Variants in PRKCE observed in about 807,000 individuals in gnomAD.
PRKCE encodes the protein protein kinase C epsilon type.
PRKCE carries 16 observed loss-of-function variants against 85.4 expected under a neutral mutation model. That is an observed-to-expected ratio of 0.19 (90% CI 0.13 to 0.28). The LOEUF (loss-of-function observed/expected upper bound fraction) is 0.28. PRKCE is among the 10% of genes least tolerant of loss of function. The pLI is 1.00. For missense variants in PRKCE, 573 were observed against 975.2 expected, an observed-to-expected ratio of 0.59 and a Z score of 5.49; for synonymous variants, 388 against 371.5, an observed-to-expected ratio of 1.04 and a Z score of -0.51.
At chr2:46,137,854 A>G (rs1675148844) in intron 11 of PRKCE, among the ~76,000 whole-genome samples, 1 of 152,012 alleles carries the variant, frequency 6.6e-6, no homozygotes, top group Non-Finnish European at 1.5e-5. Flanking sequence ...ATATATCTTG[A>G]TACGACATCT....
chr2:45,857,375 T>G (rs923006260), intron 2 of PRKCE, among the ~76,000 whole-genome samples: 2 of 152,230 alleles, frequency 1.3e-5, no homozygotes, highest in Non-Finnish European at 2.9e-5. Context: ...AGTTTGTTCT[T>G]TAAGAGAGTT....
chr2:46,120,588 G>C (rs1289871809), intron 11 of PRKCE, among the ~76,000 whole-genome samples: 2 of 152,162 alleles, frequency 1.3e-5, no homozygotes, highest in Non-Finnish European at 2.9e-5. Context: ...TTTAGGTAGA[G>C]TACAGCCATA....
At chr2:46,047,760 G>A (rs1293281371) in intron 10 of PRKCE, among the ~76,000 whole-genome samples, 1 of 152,158 alleles carries the variant, frequency 6.6e-6, no homozygotes, top group Non-Finnish European at 1.5e-5. Context: ...TAACTCAAAA[G>A]TGAATACTTG....
intron 2 of PRKCE, among the ~76,000 whole-genome samples, chr2:45,952,800 T>G (rs1032808663): frequency 9.9e-5 from 15 of 152,232 alleles, no homozygotes; most frequent in Non-Finnish European, 1.6e-4. Context: ...GAACACTGAA[T>G]GTGCTTTGTT....
At chr2:46,099,614 A>G (rs771311141) in intron 11 of PRKCE, among the ~76,000 whole-genome samples, 2 of 151,534 alleles carry the variant, frequency 1.3e-5, no homozygotes, top group Non-Finnish European at 2.9e-5. Flanking sequence ...CCCTGTTAAC[A>G]TTGCATCTGC....
intron 1 of PRKCE, among the ~76,000 whole-genome samples, chr2:45,817,075 GTGTGTGT>G (rs1228960790): frequency 1.5e-5 from 2 of 136,488 alleles, no homozygotes; most frequent in African/African-American, 5.7e-5. Context: ...GAGTGTGTGT[GTGTGTGT>G]GTGTGTGTGT....
Position 45,954,313 on chromosome 2 carries a change from C to T in PRKCE, c.413-22116C>T, listed in dbSNP as rs577810278. On this transcript the variant is annotated intron_variant, in intron 2 of 14. Transcript: ENST00000306156. The stretch of plus-strand genomic sequence containing the variant: ...TATTGGAGTCAAAAGAATTTAGAGG[C>T]CAGGTAGAAAATTTCTGAAGAGCAG... Among the ~76,000 whole-genome samples, 11 of 152,236 alleles carry T rather than the reference C, an allele frequency of 7.2e-5. No individual in the cohort carries two copies. In the South Asian group the frequency reaches 1.9e-3, roughly 26 times the overall value.
At chr2:45,674,352 G>C (rs1057328934) in intron 1 of PRKCE, among the ~76,000 whole-genome samples, 26 of 152,178 alleles carry the variant, frequency 1.7e-4, no homozygotes, top group African/African-American at 6.3e-4. Context: ...TCCTTTATCT[G>C]GAGGGTGACA....
At chr2:45,814,289 C>G (rs925701969) in intron 1 of PRKCE, among the ~76,000 whole-genome samples, 2 of 152,188 alleles carry the variant, frequency 1.3e-5, no homozygotes, top group Non-Finnish European at 2.9e-5. Flanking sequence ...TGATAAGGAG[C>G]CATTTTCCTA....
intron 2 of PRKCE, among the ~76,000 whole-genome samples, chr2:45,932,090 C>A (rs992208103): frequency 6.6e-6 from 1 of 152,196 alleles, no homozygotes; most frequent in Admixed American, 6.5e-5. Flanking sequence ...CCCCCTCCAT[C>A]CTCTCTTCTG....
intron 1 of PRKCE, among the ~76,000 whole-genome samples, chr2:45,814,343 C>G (rs1023571852): frequency 3.3e-5 from 5 of 152,202 alleles, no homozygotes; most frequent in Non-Finnish European, 7.3e-5. Context: ...ATACCCTTGC[C>G]TCGCAGCCAA....
intron 1 of PRKCE, among the ~76,000 whole-genome samples, chr2:45,777,209 G>A (rs1190840779): frequency 1.3e-5 from 2 of 152,196 alleles, no homozygotes; most frequent in Admixed American, 1.3e-4. Context: ...CAGGCAGAGT[G>A]GGACTGGGGG....
intron 10 of PRKCE, among the ~76,000 whole-genome samples, chr2:46,051,718 T>A (rs1708869963): frequency 6.6e-6 from 1 of 152,212 alleles, no homozygotes; most frequent in Non-Finnish European, 1.5e-5. Flanking sequence ...AAACAAATCC[T>A]CAATGATGCT....
Position 46,068,102 on chromosome 2 carries a change from T to G in PRKCE, c.1438-18106T>G, listed in dbSNP as rs1032893114. 6.6e-6 allele frequency among the ~76,000 whole-genome samples: 1 copy of G among 152,186 alleles called. No homozygotes were observed. The highest frequency in any genetic ancestry group is 1.5e-5 in the Non-Finnish European group (1 of 68,028). On this transcript the variant is annotated intron_variant, in intron 10 of 14. Transcript: ENST00000306156. This position sits in a 1 kb window ranked among gnomAD's most constrained non-coding sequence, Gnocchi z 4.3. Reference sequence around the variant, plus strand: ...AGAGAGACTGGGGGTTTGTCTGCACTTTTACATTATCAGTGGGTAGAATCT... The same window carrying G: ...AGAGAGACTGGGGGTTTGTCTGCACGTTTACATTATCAGTGGGTAGAATCT...
chr2:45,749,808 A>G (rs1683404536), intron 1 of PRKCE, among the ~76,000 whole-genome samples: 1 of 152,158 alleles, frequency 6.6e-6, no homozygotes, highest in African/African-American at 2.4e-5. Context: ...TGCTGCACTA[A>G]ACCCCCTGTT....
At chr2:45,672,828 C>G (rs993517700) in intron 1 of PRKCE, among the ~76,000 whole-genome samples, 1 of 152,070 alleles carries the variant, frequency 6.6e-6, no homozygotes, top group East Asian at 1.9e-4. Context: ...AGTTTGAGAC[C>G]AGCCTGGGCA....
chr2:45,750,504 G>T (rs559548936), intron 1 of PRKCE, among the ~76,000 whole-genome samples: 2 of 152,292 alleles, frequency 1.3e-5, no homozygotes, highest in Non-Finnish European at 2.9e-5. Flanking sequence ...GAGTCCCAAG[G>T]TGGGTATTGG....
chr2:45,831,735 A>G (rs1690440342), intron 1 of PRKCE, among the ~76,000 whole-genome samples: 1 of 152,174 alleles, frequency 6.6e-6, no homozygotes, highest in Non-Finnish European at 1.5e-5. Context: ...CCACCAGAGA[A>G]ACCTATATAA....
intron 10 of PRKCE, among the ~76,000 whole-genome samples, chr2:46,062,117 C>T (rs1430261603): frequency 6.6e-6 from 1 of 152,120 alleles, no homozygotes; most frequent in East Asian, 1.9e-4. Flanking sequence ...CTGCTTCAGC[C>T]TCCCAAAGTG....
Sources: gnomAD v4.1 joint callset for allele counts (sites outside exome capture counted in the v4.1 genomes callset) on GRCh38, gnomAD v4.1.1 for gene constraint, Gnocchi (gnomAD v3.1) non-coding constraint, MANE v1.5 for transcripts, NCBI Gene and HGNC (gene_info 2026-07-23, HGNC 2026-07-21) for gene names.